Variants in OPCML observed in about 807,000 individuals in gnomAD.
OPCML encodes opioid binding protein/cell adhesion molecule like.
OPCML carries 13 observed loss-of-function variants against 37.8 expected under a neutral mutation model. The ratio of observed to expected loss-of-function variants is 0.34; its 90% confidence interval spans 0.22 to 0.55. OPCML has a LOEUF of 0.55. OPCML is among the 20% of genes least tolerant of loss of function. OPCML has a pLI of 0.91. For synonymous variants in OPCML, 176 were observed against 168.8 expected (o/e 1.04, Z -0.33); for missense variants, 341 against 435.6 (o/e 0.78, Z 1.93).
At chr11:132,709,468 C>T (rs993739362) in intron 2 of OPCML, among the ~76,000 whole-genome samples, 8 of 152,086 alleles carry the variant, frequency 5.3e-5, no homozygotes, top group African/African-American at 1.4e-4. Context: ...CACTGATTTC[C>T]AGGACTCCAT....
At chr11:133,218,351 C>T (rs191685795) in intron 1 of OPCML, among the ~76,000 whole-genome samples, 43 of 152,026 alleles carry the variant, frequency 2.8e-4, no homozygotes, top group Admixed American at 5.2e-4. Context: ...CAAGGTTTGT[C>T]GATAGAAAAG....
chr11:132,805,218 G>T (rs1249013380), intron 2 of OPCML, among the ~76,000 whole-genome samples: 1 of 152,040 alleles, frequency 6.6e-6, no homozygotes, highest in Non-Finnish European at 1.5e-5. Context: ...CAGATAAATA[G>T]AAATTATGCA....
rs1264959978 is a variant in OPCML at position 133,205,757 on chromosome 11, A to G, written c.62-262747T>C. On this transcript the variant is annotated intron_variant, in intron 1 of 7. Coordinates refer to ENST00000524381, the MANE Select transcript of OPCML (RefSeq NM_001012393.5). The surrounding 1 kb of genome is among the most constrained non-coding windows in gnomAD (Gnocchi z 4.8). ...TTATCCTGGATGAGTAAGAATCCCAAGAAAATGCCACTTGGTGTAAAGATA... is the reference window on the plus strand; with the variant it reads ...TTATCCTGGATGAGTAAGAATCCCAGGAAAATGCCACTTGGTGTAAAGATA... 6.6e-6 allele frequency among the ~76,000 whole-genome samples: 1 copy of G among 152,244 alleles called. No individual in the cohort carries two copies. Among genetic ancestry groups the G allele is most frequent in the East Asian group, 1.9e-4 (1 of 5,190 alleles).
chr11:133,314,712 C>A (rs1458058637), intron 1 of OPCML, among the ~76,000 whole-genome samples: 1 of 152,206 alleles, frequency 6.6e-6, no homozygotes, highest in Non-Finnish European at 1.5e-5. Context: ...ATGGTCTCCC[C>A]CACAGAACCA....
intron 3 of OPCML, among the ~76,000 whole-genome samples, chr11:132,625,099 T>C (rs1939659159): frequency 6.6e-6 from 1 of 152,198 alleles, no homozygotes; most frequent in African/African-American, 2.4e-5. Context: ...GGAATACTTT[T>C]ATTTATGTTC....
At chr11:133,513,837 A>G (rs575776054) in intron 1 of OPCML, among the ~76,000 whole-genome samples, 1 of 152,340 alleles carries the variant, frequency 6.6e-6, no homozygotes, top group East Asian at 1.9e-4. Flanking sequence ...ATGGTTCATG[A>G]AAAGATCTTA....
At chr11:132,615,142 G>T (rs904545574) in intron 3 of OPCML, among the ~76,000 whole-genome samples, 10 of 152,186 alleles carry the variant, frequency 6.6e-5, no homozygotes, top group African/African-American at 2.4e-4. Flanking sequence ...TACAACATGG[G>T]ATAGAGCAGA....
chr11:133,185,190 A>G (rs1399152279), intron 1 of OPCML, among the ~76,000 whole-genome samples: 1 of 152,202 alleles, frequency 6.6e-6, no homozygotes, highest in African/African-American at 2.4e-5. Flanking sequence ...GCCCTAAAAT[A>G]CCTTAAGAAA....
At chr11:133,389,606 T>C (rs1171515442) in intron 1 of OPCML, among the ~76,000 whole-genome samples, 3 of 152,344 alleles carry the variant, frequency 2.0e-5, no homozygotes, top group South Asian at 2.1e-4. Flanking sequence ...ATTACTATTA[T>C]TATTACTATA....
intron 2 of OPCML, among the ~76,000 whole-genome samples, chr11:132,850,981 G>A (rs2136328514): frequency 6.6e-6 from 1 of 152,330 alleles, no homozygotes; most frequent in African/African-American, 2.4e-5. Context: ...CCCCCATGGG[G>A]TCTGCGAATA....
intron 1 of OPCML, chr11:133,423,413 C>CA (rs1403208149): frequency 2.3e-5 from 23 of 985,246 alleles, no homozygotes; most frequent in Admixed American, 1.2e-4. Context: ...GGAGATAACT[C>CA]AGAGAGTTCC....
At chr11:133,288,291 T>G (rs2136529955) in intron 1 of OPCML, among the ~76,000 whole-genome samples, 1 of 152,288 alleles carries the variant, frequency 6.6e-6, no homozygotes, top group African/African-American at 2.4e-5. Context: ...TCCTGGAGAC[T>G]TAGCAGGTTA....
chr11:133,156,968 C>T (rs968246400), intron 1 of OPCML, among the ~76,000 whole-genome samples: 1 of 152,048 alleles, frequency 6.6e-6, no homozygotes, highest in Non-Finnish European at 1.5e-5. Context: ...GCAGCCTGTT[C>T]CCTGCTCACC....
intron 7 of OPCML, among the ~76,000 whole-genome samples, chr11:132,429,999 G>A (rs533916600): frequency 2.0e-5 from 3 of 152,262 alleles, no homozygotes; most frequent in Non-Finnish European, 4.4e-5. Context: ...CCAGAAGTGG[G>A]GCATTGTGGG....
intron 2 of OPCML, among the ~76,000 whole-genome samples, chr11:132,816,852 A>G (rs1164852770): frequency 6.6e-6 from 1 of 152,194 alleles, no homozygotes; most frequent in Non-Finnish European, 1.5e-5. Context: ...TATAGTCGAC[A>G]AATAAACAAG....
In OPCML at chr11:133,007,999, A is replaced by T. The variant is rs986758617; in HGVS notation, c.62-64989T>A. On this transcript the variant is annotated intron_variant, in intron 1 of 7. Coordinates refer to ENST00000524381, the MANE Select transcript of OPCML (RefSeq NM_001012393.5). ...ACAGGCACATGTCTGCATATGCTTC[A>T]AGTGCATTGCAGGTGCTGTGTCAAG... The T allele has an allele frequency of 9.1e-6, 9 of 985,310 alleles. No homozygotes were observed. The African/African-American group carries it at 1.6e-4, about 17-fold the overall frequency. 61.0% of individuals were successfully genotyped at this position (985,310 alleles called of 1,614,324 possible).
intron 2 of OPCML, among the ~76,000 whole-genome samples, chr11:132,913,144 T>C (rs1337119251): frequency 1.3e-5 from 2 of 152,202 alleles, no homozygotes; most frequent in African/African-American, 2.4e-5. Context: ...AAATCACAGA[T>C]TGTCATAACT....
At chr11:132,721,939 T>A (rs2135981402) in intron 2 of OPCML, among the ~76,000 whole-genome samples, 1 of 149,598 alleles carries the variant, frequency 6.7e-6, no homozygotes, top group African/African-American at 2.5e-5. Context: ...ATGTATTTTT[T>A]CTTTCCTTCC....
intron 2 of OPCML, among the ~76,000 whole-genome samples, chr11:132,736,892 TATG>T (rs1220451462): frequency 6.6e-6 from 1 of 152,176 alleles, no homozygotes; most frequent in Non-Finnish European, 1.5e-5. Context: ...ATGAGACTAT[TATG>T]ATTATTTTAA....
Sources: gnomAD v4.1 joint callset for allele counts (sites outside exome capture counted in the v4.1 genomes callset) on GRCh38, gnomAD v4.1.1 for gene constraint, Gnocchi (gnomAD v3.1) non-coding constraint, MANE v1.5 for transcripts, NCBI Gene and HGNC (gene_info 2026-07-23, HGNC 2026-07-21) for gene names.